Variants in PTPRF observed in about 807,000 individuals in gnomAD.
PTPRF encodes protein tyrosine phosphatase receptor type F, also known as receptor-type tyrosine-protein phosphatase F.
Under a neutral mutation model 201.8 loss-of-function variants are expected in PTPRF, and 59 were observed. The ratio of observed to expected loss-of-function variants is 0.29; its 90% CI spans 0.24 to 0.36. PTPRF has a LOEUF of 0.36. Among genes scored for constraint, PTPRF ranks in the 10% least tolerant of loss-of-function variants. The pLI, the probability that PTPRF is intolerant of heterozygous loss-of-function variation, is 1.00. For missense variants in PTPRF, 2,132 were observed against 2,690.5 expected (o/e 0.79, Z 4.59); for synonymous variants, 1,088 against 1,089.7 (o/e 1.00, Z 0.03).
intron 5 of PTPRF, among the ~76,000 whole-genome samples, chr1:43,559,589 C>CA (rs34985615): frequency 2.9e-4 from 44 of 150,788 alleles, no homozygotes; most frequent in African/African-American, 9.5e-4. Flanking sequence ...GTGCAGCAGG[C>CA]GTGTGTGTGT....
Position 43,603,388 on chromosome 1 carries a change from TG to T in PTPRF, c.2341-25del. On this transcript the variant is annotated intron_variant, in intron 14 of 33. Coordinates refer to ENST00000359947, the MANE Select transcript of PTPRF (RefSeq NM_002840.5). The surrounding 1 kb of genome is among the most constrained non-coding windows in gnomAD (Gnocchi z 5.8). ...CTGGCCTCTCCCTGCATTCTTGTGA[TG>T]GGAACGAACCCCTCCTCCTCCCTCA... 6.3e-7 allele frequency: 1 copy of T among 1,597,766 alleles called. No individual in the cohort carries two copies. Among genetic ancestry groups the T allele is most frequent in the Non-Finnish European group, 8.6e-7 (1 of 1,165,252 alleles).
chr1:43,591,805 G>A lies in PTPRF; in HGVS notation c.1532-7G>A, dbSNP rs1650835798. 12 of 1,613,034 alleles carry A rather than the reference G, an allele frequency of 7.4e-6. No homozygotes were observed. The highest frequency in any genetic ancestry group is 1.7e-4 in the Middle Eastern group (1 of 6,050). On this transcript the variant is annotated splice_polypyrimidine_tract_variant and splice_region_variant and intron_variant, in intron 9 of 33. Transcript: ENST00000359947. ...GAGGCTGACCTGCCTGGTGTGGGGT[G>A]TTGCAGTGCCTGCCCAGCCCGCGGA...
intron 21 of PTPRF, among the ~76,000 whole-genome samples, chr1:43,608,604 G>A (rs1191355742): frequency 6.6e-6 from 1 of 152,204 alleles, no homozygotes; most frequent in African/African-American, 2.4e-5. Flanking sequence ...TGCTTTCCCT[G>A]AGCGTACAGA....
intron 29 of PTPRF, 73 bp downstream of exon 29, chr1:43,619,931 A>G (rs1658790242): frequency 1.3e-6 from 2 of 1,579,066 alleles, no homozygotes; most frequent in African/African-American, 2.7e-5. Context: ...GGGGGTGGGC[A>G]GCAGAGTAGG....
chr1:43,598,244 C>T, intron 12 of PTPRF, 191 bp downstream of exon 12: 1 of 572,834 alleles, frequency 1.7e-6, no homozygotes, highest in Non-Finnish European at 2.9e-6. Flanking sequence ...TTGGGGCTGT[C>T]TCCAAAGCAG....
chr1:43,547,011 C>T (rs1485652005), intron 3 of PTPRF, among the ~76,000 whole-genome samples: 1 of 152,210 alleles, frequency 6.6e-6, no homozygotes, highest in Admixed American at 6.5e-5. Context: ...CCTTCCTAAT[C>T]CATTCTGCAT....
At chr1:43,570,189 A>G (rs540010793) in intron 6 of PTPRF, among the ~76,000 whole-genome samples, 68 of 152,318 alleles carry the variant, frequency 4.5e-4, no homozygotes, top group Non-Finnish European at 8.4e-4. Flanking sequence ...CTGATTCATC[A>G]GGCTTCAAAA....
rs942878402 is a variant in PTPRF at position 43,621,054 on chromosome 1, A to G, written c.5520-43A>G. On this transcript the variant is annotated intron_variant, in intron 32 of 33. Transcript: ENST00000359947. ...CCTGAAGGCCTGGCAGACCCACTGC[A>G]TGAGGCAAGCAGGACTCCTGACCCA... The G allele has an allele frequency of 5.0e-6, 8 of 1,611,314 alleles. No individual in the cohort carries two copies. In the Admixed American group the frequency reaches 6.7e-5, roughly 13 times the overall value.
In PTPRF at chr1:43,608,752, C is replaced by T. The variant is rs1167569039; in HGVS notation, c.3858-631C>T. Among the ~76,000 whole-genome samples, 4 of 152,330 alleles carry T rather than the reference C, an allele frequency of 2.6e-5. No homozygotes were observed. In the East Asian group the frequency reaches 7.7e-4, roughly 29 times the overall value. ...ATGTCCTTGTACCCACCTGAGCACA[C>T]TCACTCAAATTCTTCTTTCCGAAGC... On this transcript the variant is annotated intron_variant, in intron 21 of 33. Transcript: ENST00000359947.
At chr1:43,604,644 C>T (rs781456537) in intron 16 of PTPRF, among the ~76,000 whole-genome samples, 4 of 152,200 alleles carry the variant, frequency 2.6e-5, no homozygotes, top group Non-Finnish European at 5.9e-5. Flanking sequence ...CTTTTACACT[C>T]GCGTTTCTGG....
At chr1:43,617,645 A>T in intron 24 of PTPRF, 77 bp downstream of exon 24, 1 of 1,605,594 alleles carries the variant, frequency 6.2e-7, no homozygotes, top group Non-Finnish European at 8.5e-7. Flanking sequence ...TCTACAGAGG[A>T]TGTCCACGAG....
At chr1:43,604,328 A>G in intron 16 of PTPRF, 139 bp downstream of exon 16, 3 of 869,796 alleles carry the variant, frequency 3.4e-6, no homozygotes, top group East Asian at 2.7e-5. Flanking sequence ...GACTGTGACC[A>G]CTAACCTCTA....
At chr1:43,552,643 C>T (rs183424476) in intron 3 of PTPRF, among the ~76,000 whole-genome samples, 20 of 152,272 alleles carry the variant, frequency 1.3e-4, no homozygotes, top group Admixed American at 9.2e-4. Context: ...TCAAGATTAA[C>T]GAGCTATTGC....
intron 27 of PTPRF, 42 bp downstream of exon 27, chr1:43,619,244 G>GGGGGGGGGA: frequency 1.8e-6 from 1 of 563,434 alleles, no homozygotes; most frequent in Non-Finnish European, 3.4e-6. Flanking sequence ...GGTGGGGTGG[G>GGGGGGGGGA]AGGTGGGGGC....
intron 12 of PTPRF, 76 bp from the exon 13 acceptor site, chr1:43,598,644 C>G (rs1334430820): frequency 1.4e-6 from 2 of 1,380,620 alleles, no homozygotes; most frequent in African/African-American, 2.9e-5. Flanking sequence ...GAGGCAGGAC[C>G]CTCAAGTTTG....
intron 23 of PTPRF, among the ~76,000 whole-genome samples, chr1:43,614,134 G>T (rs996101440): frequency 6.6e-6 from 1 of 152,222 alleles, no homozygotes; most frequent in African/African-American, 2.4e-5. Flanking sequence ...ATCTCTTTTG[G>T]TTCCCCCACA....
chr1:43,533,325 G>A (rs775378891), intron 1 of PTPRF, among the ~76,000 whole-genome samples: 33 of 152,142 alleles, frequency 2.2e-4, no homozygotes, highest in Non-Finnish European at 1.0e-4. Context: ...GGAATTTGGC[G>A]GGGCAGAGTT....
intron 23 of PTPRF, among the ~76,000 whole-genome samples, chr1:43,615,553 T>A (rs1570689296): frequency 2.0e-5 from 1 of 49,730 alleles, no homozygotes; most frequent in Admixed American, 1.5e-4. Context: ...TCTGTTGTCT[T>A]TTTTTTTTTT....
intron 1 of PTPRF, among the ~76,000 whole-genome samples, chr1:43,534,987 C>T (rs1643914588): frequency 6.6e-6 from 1 of 152,220 alleles, no homozygotes; most frequent in Admixed American, 6.5e-5. Flanking sequence ...TAGCACAGGG[C>T]TTGGCATCTA....
Sources: gnomAD v4.1 joint callset for allele counts (sites outside exome capture counted in the v4.1 genomes callset) on GRCh38, gnomAD v4.1.1 for gene constraint, Gnocchi (gnomAD v3.1) non-coding constraint, MANE v1.5 for transcripts, NCBI Gene and HGNC (gene_info 2026-07-23, HGNC 2026-07-21) for gene names.